MIPOL1: variants seen among roughly 807,000 people sequenced by gnomAD.
The protein encoded by MIPOL1 is mirror-image polydactyly 1, also known as mirror-image polydactyly gene 1 protein.
In MIPOL1, 57 loss-of-function variants were observed where a neutral mutation model predicts 60.9. The ratio of observed to expected loss-of-function variants is 0.94; its 90% CI spans 0.76 to 1.17. The LOEUF is 1.17. MIPOL1 is among the 50% of genes most tolerant of loss of function. The probability of loss-of-function intolerance (pLI) is 0.00; values close to 1 mark genes in which losing one functional copy is unlikely to be tolerated. For synonymous variants in MIPOL1, 179 were observed against 168.8 expected, an observed-to-expected ratio of 1.06 and a Z score of -0.47; for missense variants, 551 against 511.6, an observed-to-expected ratio of 1.08 and a Z score of -0.74.
At chr14:37,294,482 G>C (rs947948837) in intron 7 of MIPOL1, among the ~76,000 whole-genome samples, 2 of 152,130 alleles carry the variant, frequency 1.3e-5, no homozygotes, top group African/African-American at 4.8e-5. Flanking sequence ...AATTGAGAGA[G>C]GAAGGCTTCA....
At chr14:37,284,024 C>T (rs2084345209) in intron 6 of MIPOL1, among the ~76,000 whole-genome samples, 3 of 151,768 alleles carry the variant, frequency 2.0e-5, no homozygotes, top group African/African-American at 7.3e-5. Flanking sequence ...GCCCACATTG[C>T]AGTAATGTTT....
intron 12 of MIPOL1, among the ~76,000 whole-genome samples, chr14:37,535,545 A>C (rs1350875481): frequency 6.6e-6 from 1 of 152,198 alleles, no homozygotes; most frequent in East Asian, 1.9e-4. Flanking sequence ...TCTCCCGTTC[A>C]CAGTATTTAA....
chr14:37,477,861 G>A (rs545388189), intron 11 of MIPOL1, among the ~76,000 whole-genome samples: 29 of 152,348 alleles, frequency 1.9e-4, no homozygotes, highest in African/African-American at 7.0e-4. Flanking sequence ...GCCCCACATG[G>A]GGCCAGGATT....
intron 11 of MIPOL1, among the ~76,000 whole-genome samples, chr14:37,454,190 G>T (rs2153577129): frequency 1.3e-5 from 2 of 152,198 alleles, no homozygotes; most frequent in South Asian, 4.2e-4. Flanking sequence ...CTCTGCTCAT[G>T]ACCTGTGTGC....
At chr14:37,298,350 A>G (rs940542144) in intron 7 of MIPOL1, among the ~76,000 whole-genome samples, 1 of 152,182 alleles carries the variant, frequency 6.6e-6, no homozygotes, top group Non-Finnish European at 1.5e-5. Context: ...TAAAAACCCT[A>G]CAAGAAAACC....
chr14:37,383,818 A>G (rs2092992478), intron 10 of MIPOL1, among the ~76,000 whole-genome samples: 1 of 151,880 alleles, frequency 6.6e-6, no homozygotes, highest in Non-Finnish European at 1.5e-5. Flanking sequence ...AATGTTTTAT[A>G]TCTTATATTT....
In MIPOL1 at chr14:37,243,212, T is replaced by C. The variant is rs144052585; in HGVS notation, c.-198-3891T>C. ...GTATAGCTGTGGTACAGGGCCACTA[T>C]TATCCCTTATCCTTTCTTCCTGAAC... On this transcript the variant is annotated intron_variant, in intron 1 of 12. Coordinates refer to ENST00000684589, the MANE Select transcript of MIPOL1 (RefSeq NM_001388067.1). 6.4e-3 allele frequency among the ~76,000 whole-genome samples: 974 copies of C among 152,324 alleles called. 14 individuals are homozygous for C. The highest frequency in any genetic ancestry group is 0.022 in the African/African-American group (926 of 41,576).
rs560269547 is a variant in MIPOL1 at position 37,418,403 on chromosome 14, T to C, written c.937-4452T>C. Among the ~76,000 whole-genome samples, 12 of 152,248 alleles carry C rather than the reference T, an allele frequency of 7.9e-5. No individual in the cohort carries two copies. The South Asian group carries it at 2.5e-3, about 32-fold the overall frequency. On this transcript the variant is annotated intron_variant, in intron 10 of 12. Coordinates refer to ENST00000684589, the MANE Select transcript of MIPOL1 (RefSeq NM_001388067.1). ...TAGATGGCATTGGTCAAGACTGATA[T>C]CAAGATAGGTAACTATAAGACTAAC... is the stretch of plus-strand genomic sequence containing the variant.
chr14:37,445,501 G>A (rs1450036890), intron 11 of MIPOL1, among the ~76,000 whole-genome samples: 1 of 151,188 alleles, frequency 6.6e-6, no homozygotes, highest in Non-Finnish European at 1.5e-5. Context: ...TACTGCCCAA[G>A]GTAATTTATA....
At chr14:37,362,840 C>T (rs554389029) in intron 9 of MIPOL1, among the ~76,000 whole-genome samples, 1 of 152,114 alleles carries the variant, frequency 6.6e-6, no homozygotes, top group African/African-American at 2.4e-5. Context: ...CTTCTCCCCT[C>T]GCTATATTTC....
intron 11 of MIPOL1, among the ~76,000 whole-genome samples, chr14:37,428,712 C>T (rs924987211): frequency 1.4e-5 from 2 of 139,090 alleles, no homozygotes; most frequent in Non-Finnish European, 3.0e-5. Context: ...CTGGTAAAAA[C>T]ATTCCATTCC....
At chr14:37,540,332 A>AT (rs1285094391) in intron 12 of MIPOL1, among the ~76,000 whole-genome samples, 2 of 151,512 alleles carry the variant, frequency 1.3e-5, no homozygotes, top group African/African-American at 2.4e-5. Context: ...TATCAATTTC[A>AT]TTTTTTTATA....
chr14:37,388,191 A>C (rs1327930535), intron 10 of MIPOL1, among the ~76,000 whole-genome samples: 2 of 151,894 alleles, frequency 1.3e-5, no homozygotes, highest in African/African-American at 2.4e-5. Flanking sequence ...AGCGTTGTTG[A>C]AGAATTGTGG....
intron 12 of MIPOL1, among the ~76,000 whole-genome samples, chr14:37,530,150 CATT>C (rs767608472): frequency 6.6e-6 from 1 of 152,184 alleles, no homozygotes; most frequent in East Asian, 1.9e-4. Flanking sequence ...ATATCAGAAA[CATT>C]ATCGACAAAA....
At chr14:37,411,152 G>T (rs1051017025) in intron 10 of MIPOL1, among the ~76,000 whole-genome samples, 1 of 152,094 alleles carries the variant, frequency 6.6e-6, no homozygotes, top group African/African-American at 2.4e-5. Flanking sequence ...AAAGAATGCT[G>T]TTATAGCTAT....
At chr14:37,219,568 A>G (rs1407485808) in intron 1 of MIPOL1, 2 of 152,154 alleles carry the variant, frequency 1.3e-5, no homozygotes, top group South Asian at 2.1e-4. Context: ...AGGTCTCACT[A>G]TATTGCCCAG....
intron 12 of MIPOL1, chr14:37,503,383 G>A (rs78646554): frequency 6.6e-6 from 1 of 151,780 alleles, no homozygotes; most frequent in Non-Finnish European, 1.5e-5. Flanking sequence ...ACCCAGAAAG[G>A]GAAGCTGACT....
At chr14:37,463,067 G>A (rs1221143936) in intron 11 of MIPOL1, among the ~76,000 whole-genome samples, 1 of 152,136 alleles carries the variant, frequency 6.6e-6, no homozygotes, top group Non-Finnish European at 1.5e-5. Context: ...ACCTGAGACT[G>A]GGCAATTTAC....
chr14:37,269,632 A>C (rs1445199085), intron 5 of MIPOL1, among the ~76,000 whole-genome samples: 2 of 152,150 alleles, frequency 1.3e-5, no homozygotes, highest in Non-Finnish European at 2.9e-5. Context: ...TTTAAATGGA[A>C]TATGATGGGG....
Sources: gnomAD v4.1 joint callset for allele counts (sites outside exome capture counted in the v4.1 genomes callset) on GRCh38, gnomAD v4.1.1 for gene constraint, MANE v1.5 for transcripts, NCBI Gene and HGNC (gene_info 2026-07-23, HGNC 2026-07-21) for gene names.